The following RNF130 variants were observed in gnomAD, a reference collection of about 807,000 sequenced individuals.
The protein encoded by RNF130 is E3 ubiquitin-protein ligase RNF130.
Under a neutral mutation model 44.6 loss-of-function variants are expected in RNF130, and 21 were observed. That is an observed-to-expected ratio of 0.47 (90% confidence interval 0.33 to 0.68). The LOEUF is 0.68. Ranked by LOEUF, RNF130 falls within the 30% of genes least tolerant of loss-of-function variation. The pLI is 0.02. For synonymous variants in RNF130, 214 were observed against 210.4 expected (o/e 1.02, Z -0.15); for missense variants, 479 against 560.6 (o/e 0.85, Z 1.47).
At chr5:179,958,672 A>C (rs389849) in intron 8 of RNF130, among the ~76,000 whole-genome samples, 81,052 of 151,980 alleles carry the variant, frequency 0.53, 23,346 homozygotes, top group Middle Eastern at 0.74. Context: ...GACAATTTTA[A>C]CTACTACAAA....
chr5:179,971,958 A>G (rs915399042), intron 5 of RNF130, among the ~76,000 whole-genome samples: 4 of 152,178 alleles, frequency 2.6e-5, no homozygotes, highest in Admixed American at 6.5e-5. Context: ...GAATTTATCA[A>G]TCTAGTCTTA....
chr5:179,986,162 C>T (rs1762946561), intron 3 of RNF130, among the ~76,000 whole-genome samples: 1 of 152,192 alleles, frequency 6.6e-6, no homozygotes, highest in Non-Finnish European at 1.5e-5. Flanking sequence ...ATAAAGGCTG[C>T]AAAAGGTATT....
At chr5:180,029,220 T>C (rs1461948488) in intron 2 of RNF130, among the ~76,000 whole-genome samples, 3 of 152,180 alleles carry the variant, frequency 2.0e-5, no homozygotes, top group Non-Finnish European at 4.4e-5. Flanking sequence ...AAAATTAAAA[T>C]CTGTGATAAA....
chr5:180,063,798 C>T (rs1436855238), intron 1 of RNF130, among the ~76,000 whole-genome samples: 1 of 152,098 alleles, frequency 6.6e-6, no homozygotes, highest in South Asian at 2.1e-4. Flanking sequence ...GAAAGACCAA[C>T]GGTACATGGT....
chr5:180,062,242 A>C (rs1421462219), intron 1 of RNF130, among the ~76,000 whole-genome samples: 2 of 151,948 alleles, frequency 1.3e-5, no homozygotes, highest in South Asian at 4.2e-4. Flanking sequence ...TTATTTTTTT[A>C]GTAGAGATGG....
At chr5:179,996,431 G>A (rs922005239) in intron 3 of RNF130, among the ~76,000 whole-genome samples, 5 of 152,140 alleles carry the variant, frequency 3.3e-5, no homozygotes, top group Admixed American at 2.0e-4. Context: ...GCTTTTCCAC[G>A]TTCAGTATGA....
chr5:179,951,995 C>CA (rs932018496), downstream of RNF130, among the ~76,000 whole-genome samples: 44 of 151,850 alleles, frequency 2.9e-4, no homozygotes, highest in East Asian at 1.2e-3. Context: ...CCTTAAAAAA[C>CA]AAAAAAACTA....
At chr5:179,972,872 CT>C (rs1337131886) in intron 5 of RNF130, among the ~76,000 whole-genome samples, 2 of 152,232 alleles carry the variant, frequency 1.3e-5, no homozygotes, top group Admixed American at 1.3e-4. Flanking sequence ...TCTTGAGTAA[CT>C]GTTTCCTTCT....
chr5:179,993,484 G>A (rs974180909), intron 3 of RNF130, among the ~76,000 whole-genome samples: 16 of 152,202 alleles, frequency 1.1e-4, no homozygotes, highest in Admixed American at 9.8e-4. Flanking sequence ...GTGATGATGA[G>A]CATTTTTTCA....
chr5:180,043,756 G>A (rs1015281454), intron 1 of RNF130, among the ~76,000 whole-genome samples: 3 of 151,116 alleles, frequency 2.0e-5, no homozygotes, highest in South Asian at 2.1e-4. Flanking sequence ...ATCCAACAAC[G>A]GCCTGTATAA....
chr5:180,013,423 T>G, intron 2 of RNF130, 112 bp from the exon 3 acceptor site: 1 of 935,322 alleles, frequency 1.1e-6, no homozygotes, highest in Non-Finnish European at 1.6e-6. Context: ...ATGGAAAGGG[T>G]ATGCAAACTC....
At chr5:180,070,830 C>G (rs955274375) in intron 1 of RNF130, among the ~76,000 whole-genome samples, 14 of 152,128 alleles carry the variant, frequency 9.2e-5, no homozygotes, top group African/African-American at 3.1e-4. Flanking sequence ...CCCTTTTGGT[C>G]GGCACCCGTG....
In RNF130 at chr5:180,003,267, G is replaced by A. The variant is rs116278807; in HGVS notation, c.693+9794C>T. On this transcript the variant is annotated intron_variant, in intron 3 of 8. Transcript: ENST00000521389. ...GCCCCCAGACTTCTGGCTCGGTGAT[G>A]AGCCGTGTGAGAGCGCCTGCCATCA... Among the ~76,000 whole-genome samples, 1,363 of 152,186 alleles carry A rather than the reference G, an allele frequency of 9.0e-3. 19 individuals are homozygous for A. The highest frequency in any genetic ancestry group is 0.031 in the African/African-American group (1,306 of 41,510).
rs553408864 is a variant in RNF130 at position 180,069,171 on chromosome 5, G to A, written c.247+2285C>T. On this transcript the variant is annotated intron_variant, in intron 1 of 8. Transcript: ENST00000521389. ...GATTTAGATTTCATATAAACCCATAGGTTTAGAAACTACTGACAGGTAGGC... is the reference window on the plus strand; with the variant it reads ...GATTTAGATTTCATATAAACCCATAAGTTTAGAAACTACTGACAGGTAGGC... 2.6e-5 allele frequency among the ~76,000 whole-genome samples: 4 copies of A among 152,276 alleles called. No individual in the cohort carries two copies. The South Asian group carries it at 8.3e-4, about 32-fold the overall frequency.
intron 3 of RNF130, among the ~76,000 whole-genome samples, chr5:179,989,888 T>G (rs1238538796): frequency 2.6e-5 from 4 of 152,328 alleles, no homozygotes; most frequent in Non-Finnish European, 5.9e-5. Context: ...TTTATGAGAC[T>G]TATTAATTTT....
At position 180,071,711 on chromosome 5, in the gene RNF130, C is replaced by T. The variant is rs1372236433; in HGVS notation, c.-9G>A. On this transcript the variant is annotated 5_prime_UTR_variant, in exon 1 of 9. Coordinates refer to ENST00000521389, the MANE Select transcript of RNF130 (RefSeq NM_018434.6). ...CGCCCCGCGCAGCTCATCGTCCCTCCGGCAGCCGCCGCTGCTCGCGGACCG... is the reference window on the plus strand; with the variant it reads ...CGCCCCGCGCAGCTCATCGTCCCTCTGGCAGCCGCCGCTGCTCGCGGACCG... The T allele has an allele frequency of 3.2e-6, 4 of 1,264,618 alleles. No individual in the cohort carries two copies. The highest frequency in any genetic ancestry group is 4.1e-5 in the Admixed American group (1 of 24,390). 78.3% of individuals were successfully genotyped at this position (1,264,618 alleles called of 1,614,324 possible).
chr5:179,997,579 C>T (rs941269908), intron 3 of RNF130, among the ~76,000 whole-genome samples: 7 of 151,748 alleles, frequency 4.6e-5, no homozygotes, highest in African/African-American at 9.7e-5. Context: ...CTGCCTGCTT[C>T]GGTCTCCCAA....
chr5:179,990,066 G>A (rs2113028041), intron 3 of RNF130, among the ~76,000 whole-genome samples: 1 of 152,224 alleles, frequency 6.6e-6, no homozygotes, highest in South Asian at 2.1e-4. Flanking sequence ...CATGTGTGGA[G>A]ACGAGAGATT....
chr5:180,030,818 C>T (rs566566935), intron 2 of RNF130, among the ~76,000 whole-genome samples: 15 of 152,156 alleles, frequency 9.9e-5, no homozygotes, highest in Non-Finnish European at 2.9e-5. Flanking sequence ...TGGCTTCTTT[C>T]GTTTAGCATA....
Sources: allele counts gnomAD v4.1 joint callset (sites outside exome capture counted in the v4.1 genomes callset), GRCh38; gene constraint gnomAD v4.1.1; transcripts MANE v1.5; gene names NCBI Gene and HGNC (gene_info 2026-07-23, HGNC 2026-07-21).